The following DUSP8 variants were observed in gnomAD, a reference collection of about 807,000 sequenced individuals.
DUSP8 encodes dual specificity phosphatase 8.
A neutral mutation model predicts 38.7 loss-of-function variants in DUSP8; 15 were observed. The ratio of observed to expected loss-of-function variants is 0.39; its 90% CI spans 0.26 to 0.60. DUSP8 has a LOEUF of 0.60. DUSP8 is among the 20% of genes least tolerant of loss of function. The pLI is 0.56. For missense variants in DUSP8, 768 were observed against 915.0 expected (o/e 0.84, Z 2.07); for synonymous variants, 458 against 433.9 (o/e 1.06, Z -0.69).
chr11:1,565,215 G>A (rs1296822234), intron 2 of DUSP8, among the ~76,000 whole-genome samples: 4 of 152,222 alleles, frequency 2.6e-5, no homozygotes, highest in African/African-American at 9.7e-5. Flanking sequence ...TAGGCCAGCT[G>A]GGCTGCTCCC....
At chr11:1,560,542 G>C (rs899979197) in intron 3 of DUSP8, among the ~76,000 whole-genome samples, 17 of 152,340 alleles carry the variant, frequency 1.1e-4, no homozygotes, top group Admixed American at 1.0e-3. Context: ...AGGCTGGGTG[G>C]GTTGAGGCAG....
chr11:1,569,904 G>C (rs1182216163), intron 1 of DUSP8, among the ~76,000 whole-genome samples: 1 of 152,208 alleles, frequency 6.6e-6, no homozygotes, highest in Non-Finnish European at 1.5e-5. Flanking sequence ...GCTGAGGAGA[G>C]ACTGGTGGGT....
intron 2 of DUSP8, among the ~76,000 whole-genome samples, chr11:1,564,678 C>T (rs1848774654): frequency 6.6e-6 from 1 of 152,240 alleles, no homozygotes; most frequent in Non-Finnish European, 1.5e-5. Flanking sequence ...AGCCGCCAAC[C>T]CTGGGCTGGG....
Position 1,556,853 on chromosome 11 carries a change from G to C in DUSP8, c.1543C>G (p.Pro515Ala). Residue 515 changes from proline (P) to alanine (A), a missense_variant, in exon 7 of 7, where the codon CCA becomes GCA. Transcript: ENST00000397374. This position sits in a 1 kb window ranked among gnomAD's most constrained non-coding sequence, Gnocchi z 5.2. Reference sequence around the variant, plus strand: ...GGCCCGTCGGGCGACGGCGTGCCTGGGGAGTCGAGCGGCGGTGCCCAGGCC... The same window carrying C: ...GGCCCGTCGGGCGACGGCGTGCCTGCGGAGTCGAGCGGCGGTGCCCAGGCC... ...PGAWAPPLDS[P>A]GTPSPDGPWC... 8.8e-7 allele frequency: 1 copy of C among 1,139,498 alleles called. No individual in the cohort carries two copies. The highest frequency in any genetic ancestry group is 4.2e-5 in the South Asian group (1 of 23,550). The allele number at this position is 1,139,498 out of a possible 1,614,324, so 70.6% of individuals were successfully genotyped here. A position where few individuals can be genotyped will look rare whatever the true frequency, so the allele number is the denominator to read the frequency against.
chr11:1,561,539 T>C (rs569789237), intron 3 of DUSP8, among the ~76,000 whole-genome samples: 74 of 152,338 alleles, frequency 4.9e-4, no homozygotes, highest in African/African-American at 1.7e-3. Context: ...CCCTTGCCGC[T>C]TGCCCCCCAA....
At chr11:1,569,896 T>G (rs1848862026) in intron 1 of DUSP8, among the ~76,000 whole-genome samples, 1 of 152,154 alleles carries the variant, frequency 6.6e-6, no homozygotes, top group African/African-American at 2.4e-5. Flanking sequence ...CTAAGGAGGC[T>G]GAGGAGAGAC....
At position 1,556,454 on chromosome 11, in the gene DUSP8, T is replaced by TATATATA. The variant is rs1471546875; in HGVS notation, c.*57_*63dup. The TATATATA allele has an allele frequency of 8.1e-7, 1 of 1,230,208 alleles. No homozygotes were observed. The highest frequency in any genetic ancestry group is 1.6e-5 in the African/African-American group (1 of 64,348). 76.2% of individuals were successfully genotyped at this position (1,230,208 alleles called of 1,614,324 possible). On this transcript the variant is annotated 3_prime_UTR_variant, in exon 7 of 7. Coordinates refer to ENST00000397374, the MANE Select transcript of DUSP8 (RefSeq NM_004420.3). The surrounding 1 kb of genome is among the most constrained non-coding windows in gnomAD (Gnocchi z 5.2). The stretch of plus-strand genomic sequence containing the variant: ...TAAAACCATTTACCTTTCTTTGCAT[T>TATATATA]ATATATAATATACATTTATAACGGG...
At chr11:1,563,044 G>A (rs1848746746) in intron 3 of DUSP8, among the ~76,000 whole-genome samples, 1 of 152,150 alleles carries the variant, frequency 6.6e-6, no homozygotes, top group South Asian at 2.1e-4. Context: ...CAAGGGCCTG[G>A]CTTGGCTGCC....
chr11:1,565,734 G>A lies in DUSP8; in HGVS notation c.93C>T (p.Asp31=), dbSNP rs61732130. 4.7e-5 allele frequency: 75 copies of A among 1,611,740 alleles called. No individual in the cohort carries two copies. Among genetic ancestry groups the A allele is most frequent in the Admixed American group, 1.7e-5 (1 of 59,996 alleles). ...RGGPGGPLVI[D]SRSFVEYNSW... is the part of the protein sequence containing the mutation. ...TGTTGTACTCCACGAAGGAGCGGCT[G>A]TCGATGACCAGCGGCCCCCCAGGCC... Residue 31 remains aspartate, a synonymous_variant, in exon 2 of 7, where the codon GAC becomes GAT. Transcript: ENST00000397374.
rs1287169571 is a variant in DUSP8 at position 1,557,064 on chromosome 11, G to A, written c.1332C>T (p.Asp444=). ...GCCGTGGGCGCGCCTCAGGCGCGGC[G>A]TCCGGGCTGTCCGGGCTGGGCGAGG... ...GLSSPSPDSP[D]AAPEARPRPR... Residue 444 remains aspartate, a synonymous_variant, in exon 7 of 7, where the codon GAC becomes GAT. Coordinates refer to ENST00000397374, the MANE Select transcript of DUSP8 (RefSeq NM_004420.3). This position sits in a 1 kb window ranked among gnomAD's most constrained non-coding sequence, Gnocchi z 9.9. The A allele has an allele frequency of 2.5e-6, 3 of 1,206,552 alleles. No homozygotes were observed. The highest frequency in any genetic ancestry group is 3.1e-6 in the Non-Finnish European group (3 of 970,292). The allele number at this position is 1,206,552 out of a possible 1,614,324, so 74.7% of individuals were successfully genotyped here. A position where few individuals can be genotyped will look rare whatever the true frequency, so the allele number is the denominator to read the frequency against.
Position 1,558,649 on chromosome 11 carries a change from G to C in DUSP8, c.537+240C>G, listed in dbSNP as rs549413117. Among the ~76,000 whole-genome samples, 22 of 152,260 alleles carry C rather than the reference G, an allele frequency of 1.4e-4. No homozygotes were observed. Among genetic ancestry groups the C allele is most frequent in the Admixed American group, 5.2e-4 (8 of 15,308 alleles). On this transcript the variant is annotated intron_variant, in intron 4 of 6. Transcript: ENST00000397374. The surrounding 1 kb of genome is among the most constrained non-coding windows in gnomAD (Gnocchi z 6.3). ...GTGACATCCGCAGCTTGGCATGCCA[G>C]CTCCCCGCTCCTCCCCCGAGCCCTG...
In DUSP8 at chr11:1,558,550, G is replaced by A. The variant is rs1001825647; in HGVS notation, c.538-279C>T. ...TCCTAGGAATTTTATGATTGCCTGG[G>A]TGGTGGCTTTTACCCTTTTCCCTCG... On this transcript the variant is annotated intron_variant, in intron 4 of 6. Transcript: ENST00000397374. The surrounding 1 kb of genome is among the most constrained non-coding windows in gnomAD (Gnocchi z 6.3). Among the ~76,000 whole-genome samples the A allele has an allele frequency of 6.6e-6, 1 of 152,146 alleles. No homozygotes were observed. Among genetic ancestry groups the A allele is most frequent in the African/African-American group, 2.4e-5 (1 of 41,446 alleles).
In DUSP8 at chr11:1,557,707, C is replaced by T. The variant is rs369338661; in HGVS notation, c.821+87G>A. The T allele has an allele frequency of 2.5e-4, 392 of 1,592,898 alleles. No homozygotes were observed. The highest frequency in any genetic ancestry group is 1.6e-4 in the Non-Finnish European group (182 of 1,169,786). On this transcript the variant is annotated intron_variant, in intron 6 of 6. Transcript: ENST00000397374. The surrounding 1 kb of genome is among the most constrained non-coding windows in gnomAD (Gnocchi z 9.9). ...CTCCTCCCTTGCCACGGGTCCTGGA[C>T]GGTGGGGTCATTCTGGTGCAAGTGG...
chr11:1,567,403 G>A (rs1028836000), intron 1 of DUSP8, among the ~76,000 whole-genome samples: 2 of 152,238 alleles, frequency 1.3e-5, no homozygotes, highest in South Asian at 2.1e-4. Context: ...CTCCCAGGCC[G>A]GCGGGGGCCA....
At position 1,564,698 on chromosome 11, in the gene DUSP8, C is replaced by T. The variant is rs376212781; in HGVS notation, c.232-709G>A. Among the ~76,000 whole-genome samples the T allele has an allele frequency of 7.2e-4, 110 of 152,334 alleles. 1 individual carries two copies. In the East Asian group the frequency reaches 0.012, roughly 16 times the overall value. ...CCAACCCTGGGCTGGGTGACGTCAC[C>T]GGCAGCCAATGGGATCGCACTCTGC... is the stretch of plus-strand genomic sequence containing the variant. On this transcript the variant is annotated intron_variant, in intron 2 of 6. Coordinates refer to ENST00000397374, the MANE Select transcript of DUSP8 (RefSeq NM_004420.3).
Position 1,558,745 on chromosome 11 carries a change from C to G in DUSP8, c.537+144G>C, listed in dbSNP as rs949819122. 4.9e-6 allele frequency: 5 copies of G among 1,013,654 alleles called. No homozygotes were observed. In the African/African-American group the frequency reaches 8.2e-5, roughly 17 times the overall value. The allele number at this position is 1,013,654 out of a possible 1,614,324, so 62.8% of individuals were successfully genotyped here. A position where few individuals can be genotyped will look rare whatever the true frequency, so the allele number is the denominator to read the frequency against. Reference sequence around the variant, plus strand: ...GTGGGGAGCCTGGGGTCCTCCTGGGCCCCCACCCATGCTTCTCCCACACCC... The same window carrying G: ...GTGGGGAGCCTGGGGTCCTCCTGGGGCCCCACCCATGCTTCTCCCACACCC... On this transcript the variant is annotated intron_variant, in intron 4 of 6. Coordinates refer to ENST00000397374, the MANE Select transcript of DUSP8 (RefSeq NM_004420.3). The surrounding 1 kb of genome is among the most constrained non-coding windows in gnomAD (Gnocchi z 6.3).
intron 1 of DUSP8, among the ~76,000 whole-genome samples, chr11:1,568,767 C>T (rs997687669): frequency 2.6e-5 from 4 of 152,226 alleles, no homozygotes; most frequent in South Asian, 4.1e-4. Flanking sequence ...TCGCCGGCTC[C>T]CCGCCCCCTC....
chr11:1,571,071 C>T (rs1340099735), intron 1 of DUSP8, among the ~76,000 whole-genome samples: 2 of 152,154 alleles, frequency 1.3e-5, no homozygotes, highest in African/African-American at 4.8e-5. Context: ...CAGCAGAGGC[C>T]GGTACACCCC....
chr11:1,569,584 T>C (rs1848857232), intron 1 of DUSP8, among the ~76,000 whole-genome samples: 1 of 152,104 alleles, frequency 6.6e-6, no homozygotes, highest in Non-Finnish European at 1.5e-5. Context: ...AGGGGTCAGC[T>C]TCAGACTCCT....
Sources: gnomAD v4.1 joint callset for allele counts (sites outside exome capture counted in the v4.1 genomes callset) on GRCh38, gnomAD v4.1.1 for gene constraint, Gnocchi (gnomAD v3.1) non-coding constraint, MANE v1.5 for transcripts, NCBI Gene and HGNC (gene_info 2026-07-23, HGNC 2026-07-21) for gene names.